Variants in BMPR1B observed in about 807,000 individuals in gnomAD.
BMPR1B encodes bone morphogenetic protein receptor type 1B.
In BMPR1B, 12 loss-of-function variants were observed where a neutral mutation model predicts 59.1. The observed-to-expected ratio is 0.20, with a 90% CI of 0.13 to 0.33. BMPR1B has a LOEUF of 0.33. BMPR1B is among the 10% of genes least tolerant of loss of function. BMPR1B has a pLI of 1.00. For missense variants in BMPR1B, 550 were observed against 610.9 expected, an observed-to-expected ratio of 0.90 and a Z score of 1.05; for synonymous variants, 237 against 207.3, an observed-to-expected ratio of 1.14 and a Z score of -1.23.
At chr4:94,909,621 G>T (rs750923385) in intron 2 of BMPR1B, among the ~76,000 whole-genome samples, 19 of 152,026 alleles carry the variant, frequency 1.2e-4, no homozygotes, top group Non-Finnish European at 2.8e-4. Flanking sequence ...GTAGGCCTGA[G>T]ATAAAACTTT....
At chr4:94,767,769 C>CT (rs1722025450) in intron 1 of BMPR1B, among the ~76,000 whole-genome samples, 1 of 152,042 alleles carries the variant, frequency 6.6e-6, no homozygotes, top group African/African-American at 2.4e-5. Context: ...GGACCAGATT[C>CT]ACTCCTTGCT....
intron 2 of BMPR1B, among the ~76,000 whole-genome samples, chr4:94,966,207 T>C (rs1225887669): frequency 6.6e-6 from 1 of 152,148 alleles, no homozygotes; most frequent in Admixed American, 6.6e-5. Flanking sequence ...CCTGGTAATT[T>C]TTCTTGTTCT....
intron 2 of BMPR1B, among the ~76,000 whole-genome samples, chr4:94,978,951 C>T (rs1459272190): frequency 2.4e-5 from 2 of 83,448 alleles, no homozygotes; most frequent in Admixed American, 3.4e-4. Flanking sequence ...CACATACATA[C>T]ACACACACAC....
Position 94,831,233 on chromosome 4 carries a change from TA to T in BMPR1B, c.-182-44580del, listed in dbSNP as rs34088781. Among the ~76,000 whole-genome samples the T allele has an allele frequency of 6.0e-3, 531 of 88,506 alleles. 1 individual carries two copies. Among genetic ancestry groups the T allele is most frequent in the Middle Eastern group, 0.017 (2 of 120 alleles). The allele number at this position is 88,506 out of a possible 152,430, so 58.1% of individuals were successfully genotyped here. ...GTTTTTAACAAGAAAGTTTAAAAAG[TA>T]AAAAAAAAAAAAAAAAACGTAGAAG... On this transcript the variant is annotated intron_variant, in intron 1 of 12. Transcript: ENST00000515059.
intron 3 of BMPR1B, among the ~76,000 whole-genome samples, chr4:95,066,180 A>T (rs916322356): frequency 1.3e-5 from 2 of 152,246 alleles, no homozygotes; most frequent in Admixed American, 6.5e-5. Flanking sequence ...AGAAAGGCTC[A>T]TTCCTGAATC....
intron 1 of BMPR1B, among the ~76,000 whole-genome samples, chr4:94,770,378 C>T (rs1722142321): frequency 6.6e-6 from 1 of 151,878 alleles, no homozygotes; most frequent in Non-Finnish European, 1.5e-5. Flanking sequence ...TTTTTGGCTG[C>T]AGGAACTTAT....
At position 95,156,181 on chromosome 4, in the gene BMPR1B, A is replaced by G. The variant is rs1020988862; in HGVS notation, c.*1508A>G. ...GAGAAGGCCAATATTGTTTAGCAACATGAATACAATACAGTTTAAAGTTGT... is the reference window on the plus strand; with the variant it reads ...GAGAAGGCCAATATTGTTTAGCAACGTGAATACAATACAGTTTAAAGTTGT... On this transcript the variant is annotated 3_prime_UTR_variant, in exon 13 of 13. Transcript: ENST00000515059. 10 of 152,226 alleles carry G rather than the reference A, an allele frequency of 6.6e-5. No homozygotes were observed. The highest frequency in any genetic ancestry group is 4.6e-4 in the Admixed American group (7 of 15,284). The allele number at this position is 152,226 out of a possible 1,614,324, so 9.4% of individuals were successfully genotyped here. A position where few individuals can be genotyped will look rare whatever the true frequency, so the allele number is the denominator to read the frequency against.
At chr4:94,775,761 A>G (rs1722340238) in intron 1 of BMPR1B, among the ~76,000 whole-genome samples, 1 of 152,264 alleles carries the variant, frequency 6.6e-6, no homozygotes, top group Admixed American at 6.5e-5. Flanking sequence ...GAAAGTAGAT[A>G]GACATCTGTT....
At chr4:95,017,314 C>G (rs1035429214) in intron 3 of BMPR1B, among the ~76,000 whole-genome samples, 1 of 152,238 alleles carries the variant, frequency 6.6e-6, no homozygotes, top group East Asian at 1.9e-4. Context: ...TGCTGAACTA[C>G]TGCTGCCTTG....
chr4:94,989,590 T>C (rs935959606), intron 2 of BMPR1B, among the ~76,000 whole-genome samples: 1 of 152,174 alleles, frequency 6.6e-6, no homozygotes, highest in Non-Finnish European at 1.5e-5. Flanking sequence ...GAACAGAGAA[T>C]TAGCACATTT....
intron 10 of BMPR1B, among the ~76,000 whole-genome samples, chr4:95,134,022 C>G (rs1579136430): frequency 1.3e-5 from 2 of 152,140 alleles, no homozygotes; most frequent in South Asian, 4.2e-4. Flanking sequence ...TGCTATCCCT[C>G]CCCCCTCCAC....
chr4:95,055,144 C>T (rs1202737776), intron 3 of BMPR1B, among the ~76,000 whole-genome samples: 4 of 152,230 alleles, frequency 2.6e-5, no homozygotes, highest in East Asian at 1.9e-4. Context: ...ACCCAAGTCT[C>T]CATGGTCTGT....
At chr4:94,833,918 T>G (rs1382066850) in intron 1 of BMPR1B, among the ~76,000 whole-genome samples, 1 of 152,178 alleles carries the variant, frequency 6.6e-6, no homozygotes, top group East Asian at 1.9e-4. Flanking sequence ...TTAGGCATTT[T>G]TTGTTGTTCT....
chr4:94,847,503 C>G (rs1356883939), intron 1 of BMPR1B, among the ~76,000 whole-genome samples: 1 of 152,168 alleles, frequency 6.6e-6, no homozygotes, highest in South Asian at 2.1e-4. Flanking sequence ...TATTGCAGCA[C>G]TGTTCACAAT....
chr4:94,778,295 TACCTA>T (rs1008561247), intron 1 of BMPR1B, among the ~76,000 whole-genome samples: 16 of 152,314 alleles, frequency 1.1e-4, no homozygotes, highest in Admixed American at 7.2e-4. Flanking sequence ...TATGTGTGTA[TACCTA>T]ACCAGCATAT....
chr4:95,144,024 C>T (rs1309305520), intron 10 of BMPR1B, among the ~76,000 whole-genome samples: 1 of 151,248 alleles, frequency 6.6e-6, no homozygotes, highest in Non-Finnish European at 1.5e-5. Flanking sequence ...TTTACCCCTA[C>T]AGGGCTTAGT....
intron 2 of BMPR1B, among the ~76,000 whole-genome samples, chr4:94,885,716 T>C (rs1256359812): frequency 1.3e-5 from 2 of 152,186 alleles, no homozygotes; most frequent in Non-Finnish European, 2.9e-5. Flanking sequence ...TTTAAAAATA[T>C]ATGTAATCTA....
At chr4:94,815,598 G>A (rs1723983188) in intron 1 of BMPR1B, among the ~76,000 whole-genome samples, 1 of 152,162 alleles carries the variant, frequency 6.6e-6, no homozygotes, top group South Asian at 2.1e-4. Context: ...AGTAGACATT[G>A]TGGTAAATAA....
chr4:94,908,098 C>G (rs111988345), intron 2 of BMPR1B, among the ~76,000 whole-genome samples: 3 of 87,796 alleles, frequency 3.4e-5, no homozygotes, highest in African/African-American at 1.4e-4. Flanking sequence ...AAAGAAAAAA[C>G]AAAAAAAAGT....
Sources: allele counts gnomAD v4.1 joint callset (sites outside exome capture counted in the v4.1 genomes callset), GRCh38; gene constraint gnomAD v4.1.1; transcripts MANE v1.5; gene names NCBI Gene and HGNC (gene_info 2026-07-23, HGNC 2026-07-21).